The following RTN4RL2 variants were observed in gnomAD, a reference collection of about 807,000 sequenced individuals.
RTN4RL2 encodes reticulon 4 receptor like 2, also known as reticulon-4 receptor-like 2.
RTN4RL2 carries 9 observed loss-of-function variants against 27.8 expected under a neutral mutation model. The observed-to-expected ratio is 0.32, with a 90% CI of 0.20 to 0.57. The LOEUF (loss-of-function observed/expected upper bound fraction) is 0.57. Ranked by LOEUF, RTN4RL2 falls within the 20% of genes least tolerant of loss-of-function variation. The pLI is 0.90. For synonymous variants in RTN4RL2, 285 were observed against 297.9 expected (o/e 0.96, Z 0.45); for missense variants, 436 against 596.8 (o/e 0.73, Z 2.81).
chr11:57,462,182 A>T lies in RTN4RL2; in HGVS notation c.31+1286A>T, dbSNP rs1052128339. ...ATCCGGCCTGGACGTTGGATTCTGC[A>T]GCCGCTGCCGCCACCACGGTGGCTG... On this transcript the variant is annotated intron_variant, in intron 1 of 2. Transcript: ENST00000335099. Among the ~76,000 whole-genome samples the T allele has an allele frequency of 2.0e-5, 3 of 152,090 alleles. 1 individual carries two copies. The South Asian group carries it at 6.2e-4, about 32-fold the overall frequency.
At chr11:57,470,095 T>C (rs553848378) in intron 2 of RTN4RL2, among the ~76,000 whole-genome samples, 5 of 152,262 alleles carry the variant, frequency 3.3e-5, no homozygotes, top group Non-Finnish European at 5.9e-5. Flanking sequence ...TGGAGTACAA[T>C]TGAGCAGGCT....
chr11:57,477,370 C>G lies in RTN4RL2; in HGVS notation c.*459C>G, dbSNP rs1299514885. ...GACCCTGACCCCTGCTTACCCTAGTCCCCTCAACCTCCTGACACTGGAGGA... is the reference window on the plus strand; with the variant it reads ...GACCCTGACCCCTGCTTACCCTAGTGCCCTCAACCTCCTGACACTGGAGGA... On this transcript the variant is annotated 3_prime_UTR_variant, in exon 3 of 3. Coordinates refer to ENST00000335099, the MANE Select transcript of RTN4RL2 (RefSeq NM_178570.3). 6.3e-6 allele frequency: 1 copy of G among 158,632 alleles called. No individual in the cohort carries two copies. The highest frequency in any genetic ancestry group is 1.4e-5 in the Non-Finnish European group (1 of 72,742). 9.8% of individuals were successfully genotyped at this position (158,632 alleles called of 1,614,324 possible). A position where few individuals can be genotyped will look rare whatever the true frequency, so the allele number is the denominator to read the frequency against.
In RTN4RL2 at chr11:57,476,218, C is replaced by T; in HGVS notation, c.570C>T (p.Arg190=). The T allele has an allele frequency of 1.2e-6, 2 of 1,612,232 alleles. No individual in the cohort carries two copies. The highest frequency in any genetic ancestry group is 1.7e-6 in the Non-Finnish European group (2 of 1,179,318). The change falls in exon 3 of 3, where the codon CGC becomes CGT. Residue 190 remains arginine (R), a synonymous_variant. Coordinates refer to ENST00000335099, the MANE Select transcript of RTN4RL2 (RefSeq NM_178570.3). The surrounding 1 kb of genome is among the most constrained non-coding windows in gnomAD (Gnocchi z 8.2). Reference sequence around the variant, plus strand: ...GCCACCTCTTCCTCCACGGGAACCGCCTGCGGCTGCTCACAGAGCACGTGT... The same window carrying T: ...GCCACCTCTTCCTCCACGGGAACCGTCTGCGGCTGCTCACAGAGCACGTGT... ...NLSHLFLHGN[R]LRLLTEHVFR...
intron 2 of RTN4RL2, among the ~76,000 whole-genome samples, chr11:57,470,405 AC>A (rs958074566): frequency 6.6e-6 from 1 of 151,958 alleles, no homozygotes; most frequent in Non-Finnish European, 1.5e-5. Context: ...GTGTCACTAC[AC>A]CCAGCTATTT....
chr11:57,476,172 T>C lies in RTN4RL2; in HGVS notation c.524T>C (p.Phe175Ser), dbSNP rs748650600. ...NSLLHLQDDLFADLANLSHLF... is the reference protein window; with the variant it reads ...NSLLHLQDDLSADLANLSHLF... ...CTCCACCCCACCCAGGATGACTTGT[T>C]CGCGGACCTGGCCAACCTGAGCCAC... The change falls in exon 3 of 3, where the codon TTC becomes TCC. Residue 175 changes from phenylalanine to serine, a missense_variant. Around this residue, in one of 3 missense-constraint regions of RTN4RL2, gnomAD observed 365 missense variants for 530.5 expected, o/e 0.69. Coordinates refer to ENST00000335099, the MANE Select transcript of RTN4RL2 (RefSeq NM_178570.3). The surrounding 1 kb of genome is among the most constrained non-coding windows in gnomAD (Gnocchi z 8.2). 1 of 1,606,206 alleles carries C rather than the reference T, an allele frequency of 6.2e-7. No individual in the cohort carries two copies. Among genetic ancestry groups the C allele is most frequent in the South Asian group, 1.1e-5 (1 of 90,152 alleles).
At chr11:57,468,821 C>G in intron 2 of RTN4RL2, 2 of 1,245,574 alleles carry the variant, frequency 1.6e-6, no homozygotes, top group Non-Finnish European at 2.3e-6. Context: ...AATGGATGCT[C>G]TGAAAATGGA....
Position 57,477,004 on chromosome 11 carries a change from G to C in RTN4RL2, c.*93G>C. 7.6e-7 allele frequency: 1 copy of C among 1,313,812 alleles called. No homozygotes were observed. The highest frequency in any genetic ancestry group is 1.0e-6 in the Non-Finnish European group (1 of 985,702). 81.4% of individuals were successfully genotyped at this position (1,313,812 alleles called of 1,614,324 possible). On this transcript the variant is annotated 3_prime_UTR_variant, in exon 3 of 3. Transcript: ENST00000335099. Reference sequence around the variant, plus strand: ...CGGCCCCAGTCGCCCCACCTTCCCTGGCCTTGCTGCCTCCCTTTCCCCTCC... The same window carrying C: ...CGGCCCCAGTCGCCCCACCTTCCCTCGCCTTGCTGCCTCCCTTTCCCCTCC...
At position 57,477,201 on chromosome 11, in the gene RTN4RL2, G is replaced by A. The variant is rs1943604022; in HGVS notation, c.*290G>A. 2.7e-6 allele frequency: 1 copy of A among 368,062 alleles called. No individual in the cohort carries two copies. Among genetic ancestry groups the A allele is most frequent in the Non-Finnish European group, 4.9e-6 (1 of 205,746 alleles). The allele number at this position is 368,062 out of a possible 1,614,324, so 22.8% of individuals were successfully genotyped here. A position where few individuals can be genotyped will look rare whatever the true frequency, so the allele number is the denominator to read the frequency against. The stretch of plus-strand genomic sequence containing the variant: ...CTGGGGTGGGGCCCCCCAGGCAGCC[G>A]CTGACCCGCACTCCTAAGGGCCCAC... On this transcript the variant is annotated 3_prime_UTR_variant, in exon 3 of 3. Coordinates refer to ENST00000335099, the MANE Select transcript of RTN4RL2 (RefSeq NM_178570.3).
chr11:57,466,472 A>G (rs901597811), intron 1 of RTN4RL2, among the ~76,000 whole-genome samples: 4 of 152,306 alleles, frequency 2.6e-5, no homozygotes, highest in Admixed American at 2.6e-4. Context: ...CCTGTCTCCA[A>G]AAGAAAAAAA....
Position 57,476,215 on chromosome 11 carries a change from C to T in RTN4RL2, c.567C>T (p.Asn189=). 1 of 1,611,996 alleles carries T rather than the reference C, an allele frequency of 6.2e-7. No individual in the cohort carries two copies. ...ANLSHLFLHG[N]RLRLLTEHVF... ...TGAGCCACCTCTTCCTCCACGGGAA[C>T]CGCCTGCGGCTGCTCACAGAGCACG... Residue 189 remains asparagine, a synonymous_variant, in exon 3 of 3, where the codon AAC becomes AAT. Coordinates refer to ENST00000335099, the MANE Select transcript of RTN4RL2 (RefSeq NM_178570.3). This position sits in a 1 kb window ranked among gnomAD's most constrained non-coding sequence, Gnocchi z 8.2.
At chr11:57,475,405 A>C (rs770364355) in intron 2 of RTN4RL2, among the ~76,000 whole-genome samples, 19 of 152,128 alleles carry the variant, frequency 1.2e-4, no homozygotes, top group Non-Finnish European at 2.1e-4. Flanking sequence ...CTTTATGTGA[A>C]CCATCCTCTG....
In RTN4RL2 at chr11:57,476,741, C is replaced by T; in HGVS notation, c.1093C>T (p.Pro365Ser). 6.9e-7 allele frequency: 1 copy of T among 1,450,624 alleles called. No homozygotes were observed. Among genetic ancestry groups the T allele is most frequent in the Non-Finnish European group, 9.0e-7 (1 of 1,108,816 alleles). 89.9% of individuals were successfully genotyped at this position (1,450,624 alleles called of 1,614,324 possible). The change falls in exon 3 of 3, where the codon CCT becomes TCT. Residue 365 changes from proline to serine, a missense_variant. Transcript: ENST00000335099. This position sits in a 1 kb window ranked among gnomAD's most constrained non-coding sequence, Gnocchi z 8.2. Reference protein sequence around the residue: ...DSRGRQGGDAPTEDDYWGGYG... With the variant: ...DSRGRQGGDASTEDDYWGGYG... ...GCGGGGGCGCCAGGGCGGGGACGCG[C>T]CTACTGAGGACGACTACTGGGGGGG...
At chr11:57,465,545 G>T (rs539979318) in intron 1 of RTN4RL2, among the ~76,000 whole-genome samples, 6 of 152,310 alleles carry the variant, frequency 3.9e-5, no homozygotes, top group Non-Finnish European at 2.9e-5. Flanking sequence ...GTGTGCCCAG[G>T]GAATGACTGC....
rs1453669221 is a variant in RTN4RL2, at chr11:57,477,258, G to C, written c.*347G>C. On this transcript the variant is annotated 3_prime_UTR_variant, in exon 3 of 3. Coordinates refer to ENST00000335099, the MANE Select transcript of RTN4RL2 (RefSeq NM_178570.3). ...CACCAGAGGGGCTTTTGTCTGCAGA[G>C]CGTCTTCCACCAGCAGAGCCTTTGG... 4.2e-6 allele frequency: 1 copy of C among 236,012 alleles called. No homozygotes were observed. The highest frequency in any genetic ancestry group is 8.2e-6 in the Non-Finnish European group (1 of 122,402). 14.6% of individuals were successfully genotyped at this position (236,012 alleles called of 1,614,324 possible). A position where few individuals can be genotyped will look rare whatever the true frequency, so the allele number is the denominator to read the frequency against.
chr11:57,473,690 G>A (rs1482570380), intron 2 of RTN4RL2, among the ~76,000 whole-genome samples: 1 of 152,034 alleles, frequency 6.6e-6, no homozygotes, highest in Non-Finnish European at 1.5e-5. Context: ...GGATTTGAAA[G>A]CTACATTCAA....
rs745965703 is a variant in RTN4RL2 at position 57,476,619 on chromosome 11, G to A, written c.971G>A (p.Gly324Asp). The stretch of plus-strand genomic sequence containing the variant: ...ACGCGGCCGGGCAGCCGCGCCCGCG[G>A]CAACAGCTCCTCCAACCACCTGTAC... The part of the protein sequence containing the change: ...APTRPGSRAR[G>D]NSSSNHLYGV... The change falls in exon 3 of 3, where the codon GGC becomes GAC. Residue 324 changes from glycine to aspartate, a missense_variant. Coordinates refer to ENST00000335099, the MANE Select transcript of RTN4RL2 (RefSeq NM_178570.3). The surrounding 1 kb of genome is among the most constrained non-coding windows in gnomAD (Gnocchi z 8.2). The A allele has an allele frequency of 3.5e-6, 5 of 1,416,092 alleles. No homozygotes were observed. Among genetic ancestry groups the A allele is most frequent in the South Asian group, 1.5e-5 (1 of 64,762 alleles). 87.7% of individuals were successfully genotyped at this position (1,416,092 alleles called of 1,614,324 possible).
At chr11:57,464,118 C>A in intron 1 of RTN4RL2, among the ~76,000 whole-genome samples, 1 of 152,220 alleles carries the variant, frequency 6.6e-6, no homozygotes, top group East Asian at 1.9e-4. Flanking sequence ...GCAGGGACCA[C>A]TATCATGGGC....
chr11:57,472,884 T>C (rs1178438719), intron 2 of RTN4RL2, among the ~76,000 whole-genome samples: 1 of 152,192 alleles, frequency 6.6e-6, no homozygotes, highest in African/African-American at 2.4e-5. Flanking sequence ...AGAGTGCAGT[T>C]GTTCAGAGGT....
Position 57,467,890 on chromosome 11 carries a change from T to C in RTN4RL2, c.313T>C (p.Leu105=), listed in dbSNP as rs1365210562. The C allele has an allele frequency of 6.2e-7, 1 of 1,614,104 alleles. No individual in the cohort carries two copies. The highest frequency in any genetic ancestry group is 8.5e-7 in the Non-Finnish European group (1 of 1,179,962). ...CATCTACCCGGGCACTTTCCGCCACTTGCAAGCCCTGGAGGAGCTGGACCT... is the reference window on the plus strand; with the variant it reads ...CATCTACCCGGGCACTTTCCGCCACCTGCAAGCCCTGGAGGAGCTGGACCT... The part of the protein sequence containing the change: ...STIYPGTFRH[L]QALEELDLGD... Residue 105 remains leucine, a synonymous_variant, in exon 2 of 3, where the codon TTG becomes CTG. Transcript: ENST00000335099. The surrounding 1 kb of genome is among the most constrained non-coding windows in gnomAD (Gnocchi z 5.5).
Sources: gnomAD v4.1 joint callset for allele counts (sites outside exome capture counted in the v4.1 genomes callset) on GRCh38, gnomAD v4.1.1 for gene constraint, gnomAD v4.1.1 regional missense constraint, Gnocchi (gnomAD v3.1) non-coding constraint, MANE v1.5 for transcripts, NCBI Gene and HGNC (gene_info 2026-07-23, HGNC 2026-07-21) for gene names.